Variants in KIF16B observed in about 807,000 individuals in gnomAD.
The protein encoded by KIF16B is kinesin family member 16B, also known as kinesin-like protein KIF16B.
Under a neutral mutation model 156.3 loss-of-function variants are expected in KIF16B, and 98 were observed. That is an observed-to-expected ratio of 0.63 (90% CI 0.53 to 0.74). The LOEUF is 0.74. Ranked by LOEUF, KIF16B falls within the 30% of genes least tolerant of loss-of-function variation. The probability of loss-of-function intolerance (pLI) is 0.00; values close to 1 mark genes in which losing one functional copy is unlikely to be tolerated. For missense variants in KIF16B, 1,421 were observed against 1,606.5 expected (o/e 0.88, Z 1.97); for synonymous variants, 564 against 583.7 (o/e 0.97, Z 0.49).
chr20:16,378,262 A>G (rs1331304263), intron 19 of KIF16B, among the ~76,000 whole-genome samples: 2 of 151,940 alleles, frequency 1.3e-5, no homozygotes, highest in African/African-American at 2.4e-5. Flanking sequence ...AGGAGGGAAG[A>G]AAATAGGGAG....
chr20:16,295,297 C>A (rs2063368360), intron 25 of KIF16B, among the ~76,000 whole-genome samples: 1 of 152,162 alleles, frequency 6.6e-6, no homozygotes. Flanking sequence ...GGCTATGCTG[C>A]AATCCTTCCA....
rs192215853 is a variant in KIF16B, at chr20:16,513,253, A to G, written c.349-330T>C. 2.6e-5 allele frequency among the ~76,000 whole-genome samples: 4 copies of G among 152,344 alleles called. No individual in the cohort carries two copies. In the East Asian group the frequency reaches 7.7e-4, roughly 29 times the overall value. On this transcript the variant is annotated intron_variant, in intron 4 of 25. Coordinates refer to ENST00000354981, the MANE Select transcript of KIF16B (RefSeq NM_024704.5). ...CAATAAATGTTAAAAATACATGCTC[A>G]AATGAACAAGGTAGGTGAAATACAC...
chr20:16,307,469 A>G (rs917214168), intron 25 of KIF16B, among the ~76,000 whole-genome samples: 2 of 152,342 alleles, frequency 1.3e-5, no homozygotes, highest in East Asian at 3.9e-4. Flanking sequence ...AACTTCAAGT[A>G]TTGAAGAGCA....
Position 16,568,346 on chromosome 20 carries a change from A to G in KIF16B, c.47+4883T>C, listed in dbSNP as rs146114239. ...CTGGCACATCACCAGCACTCAGTAA[A>G]TATTTTTTGGCATTTTTTAAATACT... On this transcript the variant is annotated intron_variant, in intron 1 of 25. Coordinates refer to ENST00000354981, the MANE Select transcript of KIF16B (RefSeq NM_024704.5). 4.0e-4 allele frequency among the ~76,000 whole-genome samples: 61 copies of G among 152,274 alleles called. No individual in the cohort carries two copies. The East Asian group carries it at 9.7e-3, about 24-fold the overall frequency.
At chr20:16,527,536 G>T (rs1408804391) in intron 2 of KIF16B, among the ~76,000 whole-genome samples, 1 of 152,286 alleles carries the variant, frequency 6.6e-6, no homozygotes, top group Middle Eastern at 3.4e-3. Flanking sequence ...GAAAGGCATT[G>T]AACCCATAAA....
At position 16,443,154 on chromosome 20, in the gene KIF16B, C is replaced by G. The variant is rs375705083; in HGVS notation, c.1303-13172G>C. ...GATGCTCAACCAGAAATAAAACCTG[C>G]TTTTTATGGAGAAGAGAGAATATAA... On this transcript the variant is annotated intron_variant, in intron 12 of 25. Transcript: ENST00000354981. 2.0e-5 allele frequency among the ~76,000 whole-genome samples: 3 copies of G among 152,052 alleles called. No individual in the cohort carries two copies. The East Asian group carries it at 5.8e-4, about 29-fold the overall frequency.
chr20:16,287,870 G>A (rs543297807), intron 25 of KIF16B, among the ~76,000 whole-genome samples: 1 of 152,312 alleles, frequency 6.6e-6, no homozygotes, highest in South Asian at 2.1e-4. Flanking sequence ...TCTTGCACCT[G>A]TGGACCAGAA....
intron 21 of KIF16B, among the ~76,000 whole-genome samples, 157 bp from the exon 22 acceptor site, chr20:16,370,793 T>C (rs888678075): frequency 5.9e-5 from 9 of 152,184 alleles, no homozygotes; most frequent in African/African-American, 2.2e-4. Flanking sequence ...ATCCCCAAGA[T>C]AAACATGACT....
At chr20:16,500,519 T>G (rs998379937) in intron 10 of KIF16B, among the ~76,000 whole-genome samples, 29 of 152,222 alleles carry the variant, frequency 1.9e-4, no homozygotes, top group Non-Finnish European at 1.8e-4. Flanking sequence ...AAAGAAGAGT[T>G]AAAATTTTCT....
chr20:16,534,303 C>T (rs899466497), intron 1 of KIF16B, among the ~76,000 whole-genome samples: 38 of 152,004 alleles, frequency 2.5e-4, no homozygotes, highest in African/African-American at 8.9e-4. Flanking sequence ...ATTTATAACA[C>T]AGATACTGGC....
intron 20 of KIF16B, among the ~76,000 whole-genome samples, chr20:16,373,259 A>C (rs2064866942): frequency 6.6e-6 from 1 of 152,242 alleles, no homozygotes; most frequent in Non-Finnish European, 1.5e-5. Flanking sequence ...TTTACAATTT[A>C]TCACCCCTGA....
chr20:16,540,618 T>C (rs1324908792), intron 1 of KIF16B, among the ~76,000 whole-genome samples: 3 of 152,086 alleles, frequency 2.0e-5, no homozygotes, highest in African/African-American at 7.2e-5. Context: ...GATCTGCCTC[T>C]CCCCGTCGCC....
Position 16,472,658 on chromosome 20 carries a change from T to C in KIF16B, c.1302+21633A>G, listed in dbSNP as rs369130884. Among the ~76,000 whole-genome samples the C allele has an allele frequency of 3.3e-5, 5 of 152,150 alleles. No individual in the cohort carries two copies. In the South Asian group the frequency reaches 8.3e-4, roughly 25 times the overall value. The stretch of plus-strand genomic sequence containing the variant: ...CACTTCCTGAATGGTGTCATTATCA[T>C]TGATATCACAGCATTACCAACTTTC... On this transcript the variant is annotated intron_variant, in intron 12 of 25. Coordinates refer to ENST00000354981, the MANE Select transcript of KIF16B (RefSeq NM_024704.5).
chr20:16,405,746 A>G (rs1204819189), intron 16 of KIF16B, among the ~76,000 whole-genome samples: 1 of 152,134 alleles, frequency 6.6e-6, no homozygotes, highest in African/African-American at 2.4e-5. Context: ...GAGATAGAAT[A>G]TATGTACAAG....
At chr20:16,552,580 C>T (rs940707260) in intron 1 of KIF16B, among the ~76,000 whole-genome samples, 1 of 152,174 alleles carries the variant, frequency 6.6e-6, no homozygotes, top group African/African-American at 2.4e-5. Flanking sequence ...CACAGCACCA[C>T]AGCATCCAGT....
At chr20:16,562,222 T>C (rs1418683410) in intron 1 of KIF16B, among the ~76,000 whole-genome samples, 1 of 152,192 alleles carries the variant, frequency 6.6e-6, no homozygotes, top group Non-Finnish European at 1.5e-5. Flanking sequence ...CTGTGTATCA[T>C]TTAAACACAG....
At chr20:16,489,815 C>A (rs1372966712) in intron 12 of KIF16B, among the ~76,000 whole-genome samples, 3 of 152,062 alleles carry the variant, frequency 2.0e-5, no homozygotes, top group African/African-American at 7.2e-5. Context: ...GCCTGCGTTT[C>A]TAACCAGCTC....
chr20:16,447,555 T>C (rs1014569200), intron 12 of KIF16B, among the ~76,000 whole-genome samples: 3 of 151,942 alleles, frequency 2.0e-5, no homozygotes, highest in Non-Finnish European at 4.4e-5. Flanking sequence ...AGGAGGATAA[T>C]TTGAGGCCAG....
chr20:16,365,663 G>A (rs536779397), intron 22 of KIF16B, among the ~76,000 whole-genome samples: 1 of 152,240 alleles, frequency 6.6e-6, no homozygotes, highest in Non-Finnish European at 1.5e-5. Context: ...GGGAAAGAGG[G>A]AAGATGAGCA....
Sources: allele counts gnomAD v4.1 joint callset (sites outside exome capture counted in the v4.1 genomes callset), GRCh38; gene constraint gnomAD v4.1.1; transcripts MANE v1.5; gene names NCBI Gene and HGNC (gene_info 2026-07-23, HGNC 2026-07-21).